MSH4: variants seen among roughly 807,000 people sequenced by gnomAD.
MSH4 encodes the protein mutS protein homolog 4.
Under a neutral mutation model 113.7 loss-of-function variants are expected in MSH4, and 106 were observed. The observed-to-expected ratio is 0.93, with a 90% CI of 0.80 to 1.10. The LOEUF (loss-of-function observed/expected upper bound fraction) is 1.10, where lower values mean the gene tolerates loss of function less well. Among genes scored for constraint, MSH4 ranks in the 50% least tolerant of loss-of-function variants. The pLI is 0.00. For synonymous variants in MSH4, 368 were observed against 380.2 expected, an observed-to-expected ratio of 0.97 and a Z score of 0.37; for missense variants, 1,061 against 1,093.7, an observed-to-expected ratio of 0.97 and a Z score of 0.42.
chr1:75,907,297 T>G (rs1652681224), intron 19 of MSH4, among the ~76,000 whole-genome samples: 1 of 152,086 alleles, frequency 6.6e-6, no homozygotes, highest in Non-Finnish European at 1.5e-5. Flanking sequence ...GTTTGCAGTT[T>G]TTTTCCCTTC....
intron 9 of MSH4, among the ~76,000 whole-genome samples, chr1:75,873,925 G>C (rs1446857374): frequency 6.6e-6 from 1 of 152,096 alleles, no homozygotes; most frequent in African/African-American, 2.4e-5. Context: ...ATATTCCTCT[G>C]CATATATACC....
intron 9 of MSH4, among the ~76,000 whole-genome samples, chr1:75,871,393 A>C (rs890402494): frequency 6.6e-6 from 1 of 152,204 alleles, no homozygotes; most frequent in Non-Finnish European, 1.5e-5. Context: ...AATTTCTGTC[A>C]TCATAAAACT....
At chr1:75,838,688 T>C (rs1484093264) in intron 7 of MSH4, among the ~76,000 whole-genome samples, 2 of 152,246 alleles carry the variant, frequency 1.3e-5, no homozygotes, top group African/African-American at 2.4e-5. Flanking sequence ...CTAGTCTAAA[T>C]GAACTTCTTT....
At chr1:75,851,407 G>T (rs548487681) in intron 8 of MSH4, among the ~76,000 whole-genome samples, 37 of 151,696 alleles carry the variant, frequency 2.4e-4, no homozygotes, top group African/African-American at 8.5e-4. Context: ...GTCCATTTTT[G>T]TTTATTTTTT....
chr1:75,835,964 G>C (rs901690711), intron 7 of MSH4, among the ~76,000 whole-genome samples: 1 of 152,030 alleles, frequency 6.6e-6, no homozygotes, highest in Admixed American at 6.6e-5. Context: ...GCTGGTCTGC[G>C]TGCCTAGTGG....
chr1:75,833,517 G>T (rs963568978), intron 7 of MSH4, among the ~76,000 whole-genome samples: 2 of 152,112 alleles, frequency 1.3e-5, no homozygotes, highest in African/African-American at 4.8e-5. Context: ...GAGGCATCAC[G>T]CTACATGACT....
At chr1:75,858,750 G>A (rs1291697777) in intron 8 of MSH4, among the ~76,000 whole-genome samples, 1 of 152,130 alleles carries the variant, frequency 6.6e-6, no homozygotes, top group Admixed American at 6.5e-5. Context: ...GTCTCTGCCA[G>A]GATTTGGTAT....
At position 75,829,972 on chromosome 1, in the gene MSH4, G is replaced by T. The variant is rs749923379; in HGVS notation, c.1162+7391G>T. ...TGAGAGAATAAGGCTTCAGACGATC[G>T]GTAATAGCAGACTTCTCCAAGCTAA... On this transcript the variant is annotated intron_variant, in intron 7 of 19. Transcript: ENST00000263187. 1.5e-4 allele frequency among the ~76,000 whole-genome samples: 23 copies of T among 151,858 alleles called. 1 individual carries two copies. The highest frequency in any genetic ancestry group is 4.8e-4 in the African/African-American group (20 of 41,374).
At chr1:75,829,241 G>A (rs1650628148) in intron 7 of MSH4, among the ~76,000 whole-genome samples, 1 of 152,190 alleles carries the variant, frequency 6.6e-6, no homozygotes, top group South Asian at 2.1e-4. Context: ...TGGGGGATGG[G>A]CATCTGGCTT....
Position 75,889,353 on chromosome 1 carries a change from T to C in MSH4, c.2210T>C (p.Met737Thr), listed in dbSNP as rs756939329. Residue 737 changes from methionine (M) to threonine (T), a missense_variant, in exon 16 of 20, where the codon ATG becomes ACG. Physicochemically the swap from Met to Thr is moderately conservative, Grantham distance 81. Transcript: ENST00000263187. ...DDIETNSSTF[M>T]KEMKEIAYIL... Reference sequence around the variant, plus strand: ...ATCGAAACAAATTCATCAACATTTATGAAAGAAATGAAAGAGGTACCCAAA... The same window carrying C: ...ATCGAAACAAATTCATCAACATTTACGAAAGAAATGAAAGAGGTACCCAAA... The C allele has an allele frequency of 1.4e-6, 2 of 1,441,182 alleles. No individual in the cohort carries two copies. Among genetic ancestry groups the C allele is most frequent in the Non-Finnish European group, 1.9e-6 (2 of 1,047,274 alleles). The allele number at this position is 1,441,182 out of a possible 1,614,324, so 89.3% of individuals were successfully genotyped here. A position where few individuals can be genotyped will look rare whatever the true frequency, so the allele number is the denominator to read the frequency against.
intron 9 of MSH4, among the ~76,000 whole-genome samples, 179 bp downstream of exon 9, chr1:75,867,767 C>G (rs1651620349): frequency 6.6e-6 from 1 of 151,924 alleles, no homozygotes; most frequent in African/African-American, 2.4e-5. Flanking sequence ...GCTTACTGAA[C>G]CATTTAAGAA....
intron 8 of MSH4, among the ~76,000 whole-genome samples, chr1:75,850,028 A>C (rs1040362853): frequency 6.6e-6 from 1 of 152,084 alleles, no homozygotes; most frequent in African/African-American, 2.4e-5. Context: ...ACACTCTCTC[A>C]TTCCTGATAC....
intron 8 of MSH4, among the ~76,000 whole-genome samples, chr1:75,851,351 T>A (rs1349534306): frequency 6.6e-6 from 1 of 152,138 alleles, no homozygotes; most frequent in Non-Finnish European, 1.5e-5. Flanking sequence ...TTCATTAGCT[T>A]AATTATTGAC....
intron 7 of MSH4, among the ~76,000 whole-genome samples, chr1:75,847,776 T>C (rs1285024829): frequency 6.6e-6 from 1 of 152,210 alleles, no homozygotes; most frequent in Non-Finnish European, 1.5e-5. Flanking sequence ...CCTTTCTGTG[T>C]AAACTAATCC....
rs200933124 is a variant in MSH4, at chr1:75,801,234, AC to A, written c.245-2496del. On this transcript the variant is annotated intron_variant, in intron 1 of 19. Coordinates refer to ENST00000263187, the MANE Select transcript of MSH4 (RefSeq NM_002440.4). ...AATTGTGACAGTGATTATATGGCCCACAAAAGCCTAAAATATTTGCCATCTG... is the reference window on the plus strand; with the variant it reads ...AATTGTGACAGTGATTATATGGCCCAAAAAGCCTAAAATATTTGCCATCTG... 6.8e-3 allele frequency among the ~76,000 whole-genome samples: 1,037 copies of A among 152,298 alleles called. 2 individuals are homozygous for A. Among genetic ancestry groups the A allele is most frequent in the Non-Finnish European group, 9.1e-3 (622 of 68,020 alleles).
At chr1:75,850,824 A>G (rs1286344110) in intron 8 of MSH4, among the ~76,000 whole-genome samples, 1 of 152,050 alleles carries the variant, frequency 6.6e-6, no homozygotes, top group Non-Finnish European at 1.5e-5. Flanking sequence ...TTTTCCTTTC[A>G]GTTTTATCAG....
chr1:75,867,595 T>C lies in MSH4; in HGVS notation c.1305+7T>C. The C allele has an allele frequency of 6.6e-7, 1 of 1,512,046 alleles. No individual in the cohort carries two copies. The highest frequency in any genetic ancestry group is 1.4e-5 in the African/African-American group (1 of 71,974). 93.7% of individuals were successfully genotyped at this position (1,512,046 alleles called of 1,614,324 possible). On this transcript the variant is annotated splice_region_variant and intron_variant, in intron 9 of 19. Transcript: ENST00000263187. ...ACTTGTGGATCCTTTAAAGGTAATT[T>C]ATGTGTGTGTATCGTACAAAACATG...
At chr1:75,879,330 A>G (rs930334002) in intron 12 of MSH4, among the ~76,000 whole-genome samples, 1 of 152,180 alleles carries the variant, frequency 6.6e-6, no homozygotes, top group African/African-American at 2.4e-5. Flanking sequence ...AGTGTTTTCC[A>G]CAGTTCTGGG....
Position 75,883,737 on chromosome 1 carries a change from T to G in MSH4, c.2023T>G (p.Phe675Val), listed in dbSNP as rs1315710421. Residue 675 changes from phenylalanine (F) to valine (V), a missense_variant, in exon 15 of 20, where the codon TTT becomes GTT. By Grantham distance (50) the Phe-to-Val change is conservative. Transcript: ENST00000263187. Reference sequence around the variant, plus strand: ...TACCTATGTTACAGAAGGGAGTAATTTTTTGATCATAACTGGACCAAACAT... The same window carrying G: ...TACCTATGTTACAGAAGGGAGTAATGTTTTGATCATAACTGGACCAAACAT... ...NNTYVTEGSN[F>V]LIITGPNMSG... 1 of 1,613,388 alleles carries G rather than the reference T, an allele frequency of 6.2e-7. No individual in the cohort carries two copies. Among genetic ancestry groups the G allele is most frequent in the Admixed American group, 1.7e-5 (1 of 59,908 alleles).
Sources: allele counts gnomAD v4.1 joint callset (sites outside exome capture counted in the v4.1 genomes callset), GRCh38; gene constraint gnomAD v4.1.1; transcripts MANE v1.5; gene names NCBI Gene and HGNC (gene_info 2026-07-23, HGNC 2026-07-21).